Variants in QSER1 observed in about 807,000 individuals in gnomAD.
QSER1 encodes glutamine and serine-rich protein 1.
Under a neutral mutation model 158.5 loss-of-function variants are expected in QSER1, and 49 were observed. The observed-to-expected ratio is 0.31, with a 90% CI of 0.25 to 0.39. The LOEUF (loss-of-function observed/expected upper bound fraction) is 0.39, where lower values mean the gene tolerates loss of function less well. Among genes scored for constraint, QSER1 ranks in the 10% least tolerant of loss-of-function variants. QSER1 has a pLI of 1.00. For missense variants in QSER1, 1,754 were observed against 2,010.3 expected, an observed-to-expected ratio of 0.87 and a Z score of 2.44; for synonymous variants, 650 against 715.5, an observed-to-expected ratio of 0.91 and a Z score of 1.46.
chr11:32,934,391 A>T lies in QSER1; in HGVS notation c.3133A>T (p.Ile1045Leu). ...MTATVGKPQNINDTSLNGNQV... is the reference protein window; with the variant it reads ...MTATVGKPQNLNDTSLNGNQV... ...AGCTACAGTAGGAAAGCCACAGAAT[A>T]TAAATGATACTTCCTTAAATGGAAA... is the stretch of plus-strand genomic sequence containing the variant. The change falls in exon 4 of 13, where the codon ATA becomes TTA. Residue 1045 changes from isoleucine to leucine, a missense_variant. Physicochemically the swap from Ile to Leu is conservative, Grantham distance 5 (BLOSUM62 2). This residue lies in a region of QSER1 where 1,707 missense variants were observed against 1,919.6 expected (regional missense o/e 0.89). Coordinates refer to ENST00000650167, the MANE Select transcript of QSER1 (RefSeq NM_001076786.3). 1 of 1,613,872 alleles carries T rather than the reference A, an allele frequency of 6.2e-7. No homozygotes were observed. The highest frequency in any genetic ancestry group is 8.5e-7 in the Non-Finnish European group (1 of 1,179,950).
intron 8 of QSER1, among the ~76,000 whole-genome samples, chr11:32,964,739 T>TATAC (rs1260016683): frequency 1.7e-4 from 17 of 100,760 alleles, no homozygotes; most frequent in African/African-American, 6.6e-4. Flanking sequence ...TATATATATA[T>TATAC]ACACACACAC....
Position 32,933,054 on chromosome 11 carries a change from C to T in QSER1, c.1796C>T (p.Ala599Val), listed in dbSNP as rs1295776627. The T allele has an allele frequency of 6.2e-7, 1 of 1,613,304 alleles. No homozygotes were observed. Among genetic ancestry groups the T allele is most frequent in the Non-Finnish European group, 8.5e-7 (1 of 1,179,982 alleles). ...TCAGGGGAGTCCCTAACATTAACAG[C>T]CCCTTCTCTTTCTTATTCTTCTGCC... Reference protein sequence around the residue: ...YASGESLTLTAPSLSYSSASR... With the variant: ...YASGESLTLTVPSLSYSSASR... The change falls in exon 4 of 13, where the codon GCC (alanine) becomes GTC (valine). Residue 599 changes from alanine to valine, a missense_variant. By Grantham distance (64) the Ala-to-Val change is moderately conservative. This residue lies in a region of QSER1 where 1,707 missense variants were observed against 1,919.6 expected (regional missense o/e 0.89). Transcript: ENST00000650167.
chr11:32,926,877 A>G (rs1269689740), intron 1 of QSER1: 1 of 152,148 alleles, frequency 6.6e-6, no homozygotes, highest in African/African-American at 2.4e-5. Flanking sequence ...CCAGGATATT[A>G]CTTTTTCTTC....
intron 1 of QSER1, among the ~76,000 whole-genome samples, chr11:32,898,953 AT>A (rs1851591567): frequency 6.6e-6 from 1 of 152,192 alleles, no homozygotes; most frequent in Non-Finnish European, 1.5e-5. Flanking sequence ...CTCTCACCCT[AT>A]CCCCACCTCC....
In QSER1 at chr11:32,908,454, T is replaced by C. The variant is rs147149397; in HGVS notation, c.209+15120T>C. Among the ~76,000 whole-genome samples, 800 of 152,336 alleles carry C rather than the reference T, an allele frequency of 5.3e-3. 10 individuals carry two copies. The highest frequency in any genetic ancestry group is 0.018 in the African/African-American group (758 of 41,570). ...TTGTGAATACTCTTTGGAACTGATA[T>C]ATTGGTTTTTTAATATACTCTGCCA... On this transcript the variant is annotated intron_variant, in intron 1 of 12. Coordinates refer to ENST00000650167, the MANE Select transcript of QSER1 (RefSeq NM_001076786.3).
chr11:32,946,831 C>G (rs1461532453), intron 4 of QSER1, among the ~76,000 whole-genome samples: 1 of 152,058 alleles, frequency 6.6e-6, no homozygotes, highest in Non-Finnish European at 1.5e-5. Flanking sequence ...ACCCCAGCCT[C>G]GCTGCCACCT....
At chr11:32,907,108 A>G (rs563428605) in intron 1 of QSER1, among the ~76,000 whole-genome samples, 2 of 152,356 alleles carry the variant, frequency 1.3e-5, no homozygotes. Context: ...TGGTTTTATT[A>G]TAAGTCTTTG....
chr11:32,896,192 GTC>G (rs1215405540), intron 1 of QSER1, among the ~76,000 whole-genome samples: 1 of 152,196 alleles, frequency 6.6e-6, no homozygotes, highest in Non-Finnish European at 1.5e-5. Flanking sequence ...GTCATCAAGA[GTC>G]TGCAGATCCA....
chr11:32,976,268 T>TA, intron 12 of QSER1, 66 bp from the exon 13 acceptor site: 2 of 1,326,202 alleles, frequency 1.5e-6, no homozygotes, highest in South Asian at 3.2e-5. Context: ...AAAATACCAG[T>TA]ACTTGTAGTT....
At chr11:32,921,308 CAG>C (rs1851897251) in intron 1 of QSER1, among the ~76,000 whole-genome samples, 2 of 152,080 alleles carry the variant, frequency 1.3e-5, no homozygotes, top group Non-Finnish European at 2.9e-5. Context: ...TCCATAGAGA[CAG>C]AAGGTAGATC....
intron 1 of QSER1, among the ~76,000 whole-genome samples, chr11:32,924,446 G>C (rs1049845390): frequency 6.6e-6 from 1 of 151,482 alleles, no homozygotes; most frequent in African/African-American, 2.4e-5. Flanking sequence ...TATGGTCCCA[G>C]CTACTCGAGA....
chr11:32,951,024 A>T lies in QSER1; in HGVS notation c.4178-2833A>T, dbSNP rs537147918. On this transcript the variant is annotated intron_variant, in intron 4 of 12. Coordinates refer to ENST00000650167, the MANE Select transcript of QSER1 (RefSeq NM_001076786.3). Reference sequence around the variant, plus strand: ...CATCCAGAAGTGGAATTCCTCAGTCATATATCTGCATGGTTAATAGAGGAA... The same window carrying T: ...CATCCAGAAGTGGAATTCCTCAGTCTTATATCTGCATGGTTAATAGAGGAA... Among the ~76,000 whole-genome samples, 177 of 152,282 alleles carry T rather than the reference A, an allele frequency of 1.2e-3. 1 individual carries two copies. The highest frequency in any genetic ancestry group is 2.2e-3 in the Non-Finnish European group (147 of 68,016).
chr11:32,909,222 T>C (rs1851733207), intron 1 of QSER1, among the ~76,000 whole-genome samples: 2 of 152,338 alleles, frequency 1.3e-5, no homozygotes, highest in African/African-American at 2.4e-5. Flanking sequence ...CTTGTGATTG[T>C]CTTTTTTATT....
chr11:32,932,964 C>A lies in QSER1; in HGVS notation c.1706C>A (p.Thr569Lys). Residue 569 changes from threonine (T) to lysine (K), a missense_variant, in exon 4 of 13, where the codon ACA (threonine) becomes AAA (lysine). Thr to Lys is a moderately conservative substitution (Grantham distance 78). Around this residue, in one of 2 missense-constraint regions of QSER1, gnomAD observed 1,707 missense variants for 1,919.6 expected, o/e 0.89. Transcript: ENST00000650167. ...HSQGLSPVSQTQVSYSSQSQV... is the reference protein window; with the variant it reads ...HSQGLSPVSQKQVSYSSQSQV... ...CAGGGTTTATCACCAGTTAGCCAGACACAGGTTAGCTATTCATCTCAATCA... is the reference window on the plus strand; with the variant it reads ...CAGGGTTTATCACCAGTTAGCCAGAAACAGGTTAGCTATTCATCTCAATCA... 6.2e-7 allele frequency: 1 copy of A among 1,613,052 alleles called. No individual in the cohort carries two copies. The highest frequency in any genetic ancestry group is 8.5e-7 in the Non-Finnish European group (1 of 1,179,952).
At chr11:32,908,399 G>T (rs1851720888) in intron 1 of QSER1, among the ~76,000 whole-genome samples, 1 of 152,116 alleles carries the variant, frequency 6.6e-6, no homozygotes. Context: ...TTGGGCATCA[G>T]TTACAAATGC....
At chr11:32,894,821 G>T (rs1331633935) in intron 1 of QSER1, among the ~76,000 whole-genome samples, 2 of 152,176 alleles carry the variant, frequency 1.3e-5, no homozygotes, top group South Asian at 4.1e-4. Context: ...TTACATACAA[G>T]TAAGCCATTT....
At chr11:32,951,104 T>C (rs1852414261) in intron 4 of QSER1, among the ~76,000 whole-genome samples, 1 of 152,260 alleles carries the variant, frequency 6.6e-6, no homozygotes, top group South Asian at 2.1e-4. Context: ...ATCAGTGATC[T>C]ATAAGGATTC....
At chr11:32,963,277 T>G (rs1290666391) in intron 8 of QSER1, among the ~76,000 whole-genome samples, 1 of 151,930 alleles carries the variant, frequency 6.6e-6, no homozygotes, top group Non-Finnish European at 1.5e-5. Context: ...CACCTCAGCC[T>G]CCTGGGTATC....
At position 32,933,760 on chromosome 11, in the gene QSER1, T is replaced by G. The variant is rs367889370; in HGVS notation, c.2502T>G (p.Ile834Met). 4 of 1,613,880 alleles carry G rather than the reference T, an allele frequency of 2.5e-6. No individual in the cohort carries two copies. The highest frequency in any genetic ancestry group is 2.7e-5 in the African/African-American group (2 of 74,936). The change falls in exon 4 of 13, where the codon ATT becomes ATG. Residue 834 changes from isoleucine (I) to methionine (M), a missense_variant. Physicochemically the swap from Ile to Met is conservative, Grantham distance 10. Transcript: ENST00000650167. Reference sequence around the variant, plus strand: ...AAATAATTAATGCTTCATCTCAGATTCAAATTCCAAATCATGCTTTAGGGC... The same window carrying G: ...AAATAATTAATGCTTCATCTCAGATGCAAATTCCAAATCATGCTTTAGGGC... Reference protein sequence around the residue: ...HDQIINASSQIQIPNHALGHG... With the variant: ...HDQIINASSQMQIPNHALGHG...
Sources: gnomAD v4.1 joint callset for allele counts (sites outside exome capture counted in the v4.1 genomes callset) on GRCh38, gnomAD v4.1.1 for gene constraint, gnomAD v4.1.1 regional missense constraint, MANE v1.5 for transcripts, NCBI Gene and HGNC (gene_info 2026-07-23, HGNC 2026-07-21) for gene names.